The following ARHGAP17 variants were observed in gnomAD, a reference collection of about 807,000 sequenced individuals.
ARHGAP17 encodes Rho GTPase activating protein 17, also known as rho GTPase-activating protein 17.
Under a neutral mutation model 99.5 loss-of-function variants are expected in ARHGAP17, and 57 were observed. The ratio of observed to expected loss-of-function variants is 0.57; its 90% CI spans 0.46 to 0.71. The LOEUF (loss-of-function observed/expected upper bound fraction) is 0.71. ARHGAP17 is among the 30% of genes least tolerant of loss of function. The probability of loss-of-function intolerance (pLI) is 0.00; values close to 1 mark genes in which losing one functional copy is unlikely to be tolerated. For missense variants in ARHGAP17, 1,000 were observed against 1,122.4 expected, an observed-to-expected ratio of 0.89 and a Z score of 1.56; for synonymous variants, 417 against 429.6, an observed-to-expected ratio of 0.97 and a Z score of 0.36.
At chr16:25,005,513 T>C (rs987257307) in intron 1 of ARHGAP17, among the ~76,000 whole-genome samples, 1 of 152,224 alleles carries the variant, frequency 6.6e-6, no homozygotes, top group Non-Finnish European at 1.5e-5. Flanking sequence ...CTAGAATAGA[T>C]AAAACTGGTT....
intron 10 of ARHGAP17, 103 bp from the exon 11 acceptor site, chr16:24,953,145 G>A (rs190694658): frequency 7.8e-5 from 80 of 1,029,526 alleles, no homozygotes; most frequent in Non-Finnish European, 1.1e-4. Context: ...CTCACCTCCT[G>A]TCTATGAAAG....
intron 6 of ARHGAP17, among the ~76,000 whole-genome samples, chr16:24,967,900 A>G (rs1241674763): frequency 6.6e-6 from 1 of 152,088 alleles, no homozygotes; most frequent in African/African-American, 2.4e-5. Flanking sequence ...ATCAGTCCCC[A>G]CATCAGCAGC....
In ARHGAP17 at chr16:24,931,265, G is replaced by T. The variant is rs763334761; in HGVS notation, c.2034C>A (p.Pro678=). ...CTGGAGGCTGGCCCGTGTGCTGGGT[G>T]GGAGGAGAGGGGCTTCGGGTGGGTG... ...PKPPTRSPSP[P]TQHTGQPPGQ... The change falls in exon 19 of 20, where the codon CCC becomes CCA. Residue 678 remains proline (P), a synonymous_variant. Transcript: ENST00000289968. 2.4e-5 allele frequency: 37 copies of T among 1,534,906 alleles called. No individual in the cohort carries two copies. Among genetic ancestry groups the T allele is most frequent in the Non-Finnish European group, 3.2e-5 (37 of 1,141,254 alleles).
chr16:24,951,536 A>G (rs949820259), intron 12 of ARHGAP17, among the ~76,000 whole-genome samples: 4 of 151,932 alleles, frequency 2.6e-5, no homozygotes, highest in Non-Finnish European at 5.9e-5. Flanking sequence ...ATCTGAAAAA[A>G]CTCACAGATG....
At chr16:24,940,121 A>G (rs1231952572) in intron 16 of ARHGAP17, among the ~76,000 whole-genome samples, 1 of 152,076 alleles carries the variant, frequency 6.6e-6, no homozygotes, top group Non-Finnish European at 1.5e-5. Context: ...ATGCGGTCTC[A>G]CTACATTGCC....
At chr16:25,002,563 C>A (rs1427013991) in intron 1 of ARHGAP17, among the ~76,000 whole-genome samples, 1 of 152,192 alleles carries the variant, frequency 6.6e-6, no homozygotes, top group African/African-American at 2.4e-5. Flanking sequence ...AAAACTGGAA[C>A]AGAAGCTTTT....
chr16:24,986,349 C>T (rs2052869742), intron 1 of ARHGAP17, among the ~76,000 whole-genome samples: 1 of 151,668 alleles, frequency 6.6e-6, no homozygotes, highest in African/African-American at 2.4e-5. Context: ...CCCAGAGGGC[C>T]TGACTAGCAA....
rs745598789 is a variant in ARHGAP17, at chr16:24,954,736, G to A, written c.725-6C>T. The A allele has an allele frequency of 2.5e-6, 4 of 1,613,254 alleles. No homozygotes were observed. Among genetic ancestry groups the A allele is most frequent in the East Asian group, 2.2e-5 (1 of 44,870 alleles). On this transcript the variant is annotated splice_region_variant and splice_polypyrimidine_tract_variant and intron_variant, in intron 9 of 19. Transcript: ENST00000289968. ...TGGTTTTTCCGCCCACTTATCTAGA[G>A]CAGCAAATTGTTCAGTTAGACACCC...
intron 1 of ARHGAP17, among the ~76,000 whole-genome samples, chr16:24,993,831 T>C (rs1418869061): frequency 1.3e-5 from 2 of 152,168 alleles, no homozygotes; most frequent in African/African-American, 2.4e-5. Flanking sequence ...TAAAAATACA[T>C]CCCTTAACCT....
At chr16:24,971,284 T>A (rs1176119694) in intron 3 of ARHGAP17, among the ~76,000 whole-genome samples, 1 of 151,856 alleles carries the variant, frequency 6.6e-6, no homozygotes, top group East Asian at 1.9e-4. Flanking sequence ...TGCAATGAAG[T>A]GCTCAATTTC....
chr16:24,935,897 T>G (rs752110390), intron 17 of ARHGAP17: 3 of 467,620 alleles, frequency 6.4e-6, no homozygotes, highest in Non-Finnish European at 1.2e-5. Flanking sequence ...GTCTCAAATT[T>G]CTGGACTCAA....
In ARHGAP17 at chr16:24,968,174, C is replaced by T. The variant is rs115379015; in HGVS notation, c.461+177G>A. Among the ~76,000 whole-genome samples, 616 of 152,320 alleles carry T rather than the reference C, an allele frequency of 4.0e-3. 5 individuals are homozygous for T. The highest frequency in any genetic ancestry group is 0.012 in the African/African-American group (505 of 41,562). ...CACTAAGAACAGGATGTTCTAACAA[C>T]ATCCCCACTGCCACGCTTGGGAGAA... On this transcript the variant is annotated intron_variant, in intron 6 of 19. Coordinates refer to ENST00000289968, the MANE Select transcript of ARHGAP17 (RefSeq NM_001006634.3).
At chr16:24,940,215 C>T (rs8061650) in intron 16 of ARHGAP17, among the ~76,000 whole-genome samples, 51 of 152,304 alleles carry the variant, frequency 3.3e-4, no homozygotes, top group African/African-American at 1.2e-3. Context: ...TAAGTCACCA[C>T]ATCCGGCCTA....
At chr16:24,943,641 G>C (rs2051379511) in intron 15 of ARHGAP17, 130 bp downstream of exon 15, 2 of 752,520 alleles carry the variant, frequency 2.7e-6, no homozygotes, top group Admixed American at 2.6e-5. Context: ...ACAAAGGCTG[G>C]AAAGAAACAT....
At chr16:24,965,908 CAAG>C (rs755765893) in intron 6 of ARHGAP17, among the ~76,000 whole-genome samples, 6 of 152,250 alleles carry the variant, frequency 3.9e-5, no homozygotes, top group Middle Eastern at 3.4e-3. Context: ...CAGGGAAAAG[CAAG>C]AAGAATGAGA....
At position 24,931,229 on chromosome 16, in the gene ARHGAP17, G is replaced by A. The variant is rs150965288; in HGVS notation, c.2070C>T (p.Ser690=). ...GGGGTGCTGAGAGCTGGGAGGGGGC[G>A]GAGGGCTGGCCTGGAGGCTGGCCCG... ...QHTGQPPGQP[S]APSQLSAPRR... Residue 690 remains serine (S), a synonymous_variant, in exon 19 of 20, where the codon TCC becomes TCT. Coordinates refer to ENST00000289968, the MANE Select transcript of ARHGAP17 (RefSeq NM_001006634.3). 2.6e-5 allele frequency: 41 copies of A among 1,557,946 alleles called. No homozygotes were observed. Among genetic ancestry groups the A allele is most frequent in the South Asian group, 9.8e-5 (8 of 81,584 alleles).
intron 1 of ARHGAP17, among the ~76,000 whole-genome samples, chr16:24,992,176 A>G (rs954151015): frequency 2.0e-5 from 3 of 152,176 alleles, no homozygotes; most frequent in African/African-American, 7.2e-5. Context: ...TTTTTCAGTA[A>G]TGGAATGGCA....
At position 24,954,501 on chromosome 16, in the gene ARHGAP17, T is replaced by A. The variant is rs2051745094; in HGVS notation, c.852+102A>T. ...CTACACAAAACGGACAATGGCTGTA[T>A]AACTAAGCAGGGGTGGACAGGGGGC... On this transcript the variant is annotated intron_variant, in intron 10 of 19. Coordinates refer to ENST00000289968, the MANE Select transcript of ARHGAP17 (RefSeq NM_001006634.3). 4.1e-6 allele frequency: 6 copies of A among 1,466,424 alleles called. No homozygotes were observed. The African/African-American group carries it at 7.1e-5, about 17-fold the overall frequency. 90.8% of individuals were successfully genotyped at this position (1,466,424 alleles called of 1,614,324 possible).
intron 1 of ARHGAP17, among the ~76,000 whole-genome samples, chr16:24,984,868 T>C (rs1399068459): frequency 1.3e-5 from 2 of 150,708 alleles, no homozygotes; most frequent in African/African-American, 4.9e-5. Flanking sequence ...TTTTATAAAA[T>C]GGGAAAAAAA....
Sources: gnomAD v4.1 joint callset for allele counts (sites outside exome capture counted in the v4.1 genomes callset) on GRCh38, gnomAD v4.1.1 for gene constraint, MANE v1.5 for transcripts, NCBI Gene and HGNC (gene_info 2026-07-23, HGNC 2026-07-21) for gene names.